GADL1: variants seen among roughly 807,000 people sequenced by gnomAD.
GADL1 encodes the protein acidic amino acid decarboxylase GADL1.
GADL1 carries 71 observed loss-of-function variants against 69.5 expected under a neutral mutation model. The ratio of observed to expected loss-of-function variants is 1.02; its 90% confidence interval spans 0.84 to 1.25. GADL1 has a LOEUF of 1.25. Among genes scored for constraint, GADL1 ranks in the 50% most tolerant of loss-of-function variants. GADL1 has a pLI of 0.00. For missense variants in GADL1, 737 were observed against 631.8 expected (o/e 1.17, Z -1.79); for synonymous variants, 254 against 214.4 (o/e 1.18, Z -1.62).
intron 14 of GADL1, among the ~76,000 whole-genome samples, chr3:30,764,141 A>C (rs946417977): frequency 2.8e-4 from 40 of 143,884 alleles, no homozygotes; most frequent in Non-Finnish European, 5.6e-4. Flanking sequence ...AAATATATTA[A>C]CGCTTTACTG....
intron 11 of GADL1, among the ~76,000 whole-genome samples, chr3:30,807,500 G>T (rs1230712217): frequency 6.6e-6 from 1 of 152,126 alleles, no homozygotes; most frequent in Non-Finnish European, 1.5e-5. Context: ...TGATGTCCTT[G>T]GTAGATGCTG....
intron 1 of GADL1, among the ~76,000 whole-genome samples, chr3:30,873,644 A>G (rs990384160): frequency 6.6e-6 from 1 of 151,970 alleles, no homozygotes; most frequent in Admixed American, 6.6e-5. Flanking sequence ...TTTAAAACCA[A>G]TTTGCTCAAG....
intron 14 of GADL1, among the ~76,000 whole-genome samples, chr3:30,749,241 G>T (rs1323738390): frequency 6.7e-6 from 1 of 148,536 alleles, no homozygotes; most frequent in African/African-American, 2.6e-5. Flanking sequence ...TGTTTGTATT[G>T]CTCAGCATGT....
At position 30,805,286 on chromosome 3, in the gene GADL1, A is replaced by C. The variant is rs73826114; in HGVS notation, c.1051-4198T>G. Among the ~76,000 whole-genome samples the C allele has an allele frequency of 9.1e-3, 1,388 of 152,302 alleles. 22 individuals carry two copies. Among genetic ancestry groups the C allele is most frequent in the African/African-American group, 0.031 (1,303 of 41,556 alleles). On this transcript the variant is annotated intron_variant, in intron 11 of 14. Transcript: ENST00000282538. The stretch of plus-strand genomic sequence containing the variant: ...GCTAGGTTTCAAACCAAAAATGCTT[A>C]GATTCAGGGCCTGAACGCTAACCTA...
chr3:30,803,387 A>T (rs1282006494), intron 11 of GADL1, among the ~76,000 whole-genome samples: 1 of 152,288 alleles, frequency 6.6e-6, no homozygotes, highest in Middle Eastern at 3.4e-3. Flanking sequence ...TCATGCACAC[A>T]TGTTCACGAC....
chr3:30,735,913 CT>C lies in GADL1; in HGVS notation c.1393-7499del, dbSNP rs541904034. Among the ~76,000 whole-genome samples, 5 of 152,196 alleles carry C rather than the reference CT, an allele frequency of 3.3e-5. No homozygotes were observed. In the South Asian group the frequency reaches 1.0e-3, roughly 32 times the overall value. ...AACATATTTAAATGTACCCAACATACTTATTAAATATAATTCATATGCAATC... is the reference window on the plus strand; with the variant it reads ...AACATATTTAAATGTACCCAACATACTATTAAATATAATTCATATGCAATC... On this transcript the variant is annotated intron_variant, in intron 14 of 14. Transcript: ENST00000282538.
At chr3:30,756,945 T>C (rs1355741476) in intron 14 of GADL1, among the ~76,000 whole-genome samples, 1 of 151,998 alleles carries the variant, frequency 6.6e-6, no homozygotes, top group East Asian at 1.9e-4. Context: ...CCAGAGTCCA[T>C]GGGGGGGACA....
At chr3:30,737,076 C>T (rs980847861) in intron 14 of GADL1, among the ~76,000 whole-genome samples, 2 of 152,054 alleles carry the variant, frequency 1.3e-5, no homozygotes, top group Non-Finnish European at 1.5e-5. Flanking sequence ...ATGTCCCAAA[C>T]GTACAAGAAA....
At chr3:30,793,445 A>T (rs928764659) in intron 12 of GADL1, among the ~76,000 whole-genome samples, 1 of 152,182 alleles carries the variant, frequency 6.6e-6, no homozygotes, top group Non-Finnish European at 1.5e-5. Context: ...TTGGGGACAT[A>T]ATGCAGAAAC....
chr3:30,829,844 T>G (rs1474890628), intron 11 of GADL1, among the ~76,000 whole-genome samples: 1 of 151,854 alleles, frequency 6.6e-6, no homozygotes, highest in Admixed American at 6.6e-5. Context: ...GAATATTACA[T>G]GAAAAATCAT....
At chr3:30,880,579 T>G (rs1340691451) in intron 1 of GADL1, among the ~76,000 whole-genome samples, 1 of 151,978 alleles carries the variant, frequency 6.6e-6, no homozygotes, top group African/African-American at 2.4e-5. Context: ...CATGTGGAAT[T>G]GTGATTCCAT....
chr3:30,808,718 G>A (rs1381177971), intron 11 of GADL1, among the ~76,000 whole-genome samples: 1 of 152,086 alleles, frequency 6.6e-6, no homozygotes, highest in Non-Finnish European at 1.5e-5. Flanking sequence ...TAGCAAGTGG[G>A]AAAAATAACC....
intron 8 of GADL1, among the ~76,000 whole-genome samples, chr3:30,842,267 ATGT>A (rs1697979186): frequency 6.6e-6 from 1 of 152,192 alleles, no homozygotes; most frequent in African/African-American, 2.4e-5. Context: ...AAACTATGGT[ATGT>A]TGTTTAAGCA....
intron 14 of GADL1, among the ~76,000 whole-genome samples, chr3:30,761,554 C>T (rs779005302): frequency 5.3e-5 from 8 of 152,276 alleles, no homozygotes; most frequent in South Asian, 2.1e-4. Context: ...ATTGAGTAAG[C>T]TTCCTTCCCT....
At chr3:30,856,331 G>A (rs7652680) in intron 3 of GADL1, among the ~76,000 whole-genome samples, 78,198 of 151,922 alleles carry the variant, frequency 0.51, 23,537 homozygotes, top group African/African-American at 0.83. Context: ...AAACTTGTTC[G>A]CTGGATGAAC....
chr3:30,766,156 G>A (rs140615235), intron 14 of GADL1, among the ~76,000 whole-genome samples: 1 of 152,138 alleles, frequency 6.6e-6, no homozygotes, highest in Non-Finnish European at 1.5e-5. Context: ...GAAGAAACAA[G>A]TATATATCTG....
At chr3:30,875,608 G>A (rs927634907) in intron 1 of GADL1, among the ~76,000 whole-genome samples, 6 of 151,922 alleles carry the variant, frequency 3.9e-5, no homozygotes, top group Admixed American at 6.6e-5. Flanking sequence ...ATAGGAGGCA[G>A]AGGGTAATCA....
At chr3:30,733,537 C>G (rs937031055) in intron 14 of GADL1, among the ~76,000 whole-genome samples, 1 of 152,072 alleles carries the variant, frequency 6.6e-6, no homozygotes, top group African/African-American at 2.4e-5. Flanking sequence ...CTGAGACTTA[C>G]ATACCTCCCT....
intron 11 of GADL1, among the ~76,000 whole-genome samples, chr3:30,824,386 A>T (rs1697647364): frequency 6.6e-6 from 1 of 151,818 alleles, no homozygotes; most frequent in South Asian, 2.1e-4. Context: ...GAAGCAAAAT[A>T]TAACAATATG....
Sources: gnomAD v4.1 joint callset for allele counts (sites outside exome capture counted in the v4.1 genomes callset) on GRCh38, gnomAD v4.1.1 for gene constraint, MANE v1.5 for transcripts, NCBI Gene and HGNC (gene_info 2026-07-23, HGNC 2026-07-21) for gene names.